The following ANAPC16 variants were observed in gnomAD, a reference collection of about 807,000 sequenced individuals.
ANAPC16 encodes anaphase-promoting complex subunit 16.
A neutral mutation model predicts 13.1 loss-of-function variants in ANAPC16; 6 were observed. The ratio of observed to expected loss-of-function variants is 0.46; its 90% CI spans 0.25 to 0.90. ANAPC16 has a LOEUF of 0.90. Ranked by LOEUF, ANAPC16 falls within the 40% of genes least tolerant of loss-of-function variation. ANAPC16 has a pLI of 0.18. For missense variants in ANAPC16, 113 were observed against 131.1 expected (o/e 0.86, Z 0.67); for synonymous variants, 55 against 51.3 (o/e 1.07, Z -0.31).
intron 1 of ANAPC16, chr10:72,216,797 T>A: frequency 2.2e-6 from 1 of 456,112 alleles, no homozygotes; most frequent in Non-Finnish European, 4.4e-6. Flanking sequence ...CCTGTGAGGA[T>A]CTCCACTGTC....
rs143712246 is a variant in ANAPC16 at position 72,220,684 on chromosome 10, A to G, written c.-27-3204A>G. 9.2e-4 allele frequency: 135 copies of G among 147,142 alleles called. 3 individuals carry two copies. The highest frequency in any genetic ancestry group is 3.4e-3 in the African/African-American group (131 of 38,906). 9.1% of individuals were successfully genotyped at this position (147,142 alleles called of 1,614,324 possible). A position where few individuals can be genotyped will look rare whatever the true frequency, so the allele number is the denominator to read the frequency against. ...AAAACAAATATGTTTCAACTTTTTT[A>G]TAATAAATATGTTCATTTTGCAACT... On this transcript the variant is annotated intron_variant, in intron 1 of 3. Transcript: ENST00000299381.
In ANAPC16 at chr10:72,224,153, G is replaced by C. The variant is rs78311085; in HGVS notation, c.142+97G>C. 1.4e-3 allele frequency: 1,801 copies of C among 1,247,278 alleles called. 24 individuals carry two copies. The African/African-American group carries it at 0.023, about 16-fold the overall frequency. 77.3% of individuals were successfully genotyped at this position (1,247,278 alleles called of 1,614,324 possible). On this transcript the variant is annotated intron_variant, in intron 2 of 3. Transcript: ENST00000299381. Reference sequence around the variant, plus strand: ...AGTGGATTAAAGATGAGTTTGCCCTGATTTCAGCTCCACATTTCATTTCTT... The same window carrying C: ...AGTGGATTAAAGATGAGTTTGCCCTCATTTCAGCTCCACATTTCATTTCTT...
At chr10:72,220,914 A>G (rs141267414) in intron 1 of ANAPC16, 2,117 of 151,746 alleles carry the variant, frequency 0.014, 19 homozygotes, top group Non-Finnish European at 0.022. Flanking sequence ...TCATTTTACA[A>G]TCCTTTTTTC....
intron 1 of ANAPC16, among the ~76,000 whole-genome samples, chr10:72,222,473 A>T (rs1395708912): frequency 1.0e-4 from 3 of 29,804 alleles, no homozygotes; most frequent in African/African-American, 4.0e-4. Flanking sequence ...TCTCTATTTA[A>T]AAAAAAAAAA....
intron 1 of ANAPC16, chr10:72,216,804 T>C: frequency 2.2e-6 from 1 of 456,234 alleles, no homozygotes; most frequent in South Asian, 1.5e-5. Flanking sequence ...GGATCTCCAC[T>C]GTCAGCCCCA....
At chr10:72,231,476 A>G (rs901514069) in intron 3 of ANAPC16, among the ~76,000 whole-genome samples, 1 of 152,096 alleles carries the variant, frequency 6.6e-6, no homozygotes, top group Non-Finnish European at 1.5e-5. Context: ...CAGGAGGCAT[A>G]CTCCAGCCTT....
At chr10:72,219,817 C>G (rs1384839711) in intron 1 of ANAPC16, among the ~76,000 whole-genome samples, 1 of 152,176 alleles carries the variant, frequency 6.6e-6, no homozygotes, top group Non-Finnish European at 1.5e-5. Flanking sequence ...TTTTACCGTT[C>G]CCATACCCCA....
At chr10:72,223,186 C>T (rs1860008002) in intron 1 of ANAPC16, 1 of 149,842 alleles carries the variant, frequency 6.7e-6, no homozygotes, top group African/African-American at 2.5e-5. Context: ...CCTCAGCCTC[C>T]TGAGTAGCTG....
At position 72,226,784 on chromosome 10, in the gene ANAPC16, C is replaced by G. The variant is rs568606862; in HGVS notation, c.142+2728C>G. 2.6e-5 allele frequency among the ~76,000 whole-genome samples: 4 copies of G among 151,962 alleles called. No homozygotes were observed. The East Asian group carries it at 5.8e-4, about 22-fold the overall frequency. On this transcript the variant is annotated intron_variant, in intron 2 of 3. Coordinates refer to ENST00000299381, the MANE Select transcript of ANAPC16 (RefSeq NM_173473.4). Reference sequence around the variant, plus strand: ...GCCCAAAATCATTTGTGACAGGAAACCACGGGGGGACTCTGGGACCATAGA... The same window carrying G: ...GCCCAAAATCATTTGTGACAGGAAAGCACGGGGGGACTCTGGGACCATAGA...
intron 1 of ANAPC16, among the ~76,000 whole-genome samples, chr10:72,220,556 G>A (rs1439952878): frequency 1.3e-5 from 2 of 151,786 alleles, no homozygotes; most frequent in Admixed American, 1.3e-4. Flanking sequence ...GACTTGGGAG[G>A]TTGAGAGGTT....
chr10:72,231,655 C>T (rs573124258), intron 3 of ANAPC16, among the ~76,000 whole-genome samples: 6 of 152,262 alleles, frequency 3.9e-5, no homozygotes, highest in Middle Eastern at 3.4e-3. Context: ...CTCCTGGGTT[C>T]AAGTGATTCT....
At chr10:72,225,140 T>C (rs1319570725) in intron 2 of ANAPC16, among the ~76,000 whole-genome samples, 2 of 151,830 alleles carry the variant, frequency 1.3e-5, no homozygotes, top group African/African-American at 4.8e-5. Context: ...AAAAACTAGC[T>C]GGGCATGGTG....
chr10:72,224,814 G>T (rs1309390056), intron 2 of ANAPC16, among the ~76,000 whole-genome samples: 3 of 152,118 alleles, frequency 2.0e-5, no homozygotes, highest in Non-Finnish European at 2.9e-5. Flanking sequence ...TTGCCCTTTT[G>T]TGTGAACATG....
At chr10:72,219,508 G>A (rs977427672) in intron 1 of ANAPC16, among the ~76,000 whole-genome samples, 1 of 151,096 alleles carries the variant, frequency 6.6e-6, no homozygotes, top group Non-Finnish European at 1.5e-5. Context: ...GGCTGAGGTG[G>A]GAGGATCACT....
chr10:72,232,198 A>G (rs1472540294), intron 3 of ANAPC16, among the ~76,000 whole-genome samples: 8 of 150,148 alleles, frequency 5.3e-5, no homozygotes, highest in South Asian at 2.1e-4. Context: ...AAAAAAAAAA[A>G]AAAAAAAAAA....
At chr10:72,226,609 G>A (rs998504461) in intron 2 of ANAPC16, among the ~76,000 whole-genome samples, 1 of 151,912 alleles carries the variant, frequency 6.6e-6, no homozygotes, top group Non-Finnish European at 1.5e-5. Flanking sequence ...GGAGGTGGAG[G>A]CTGCAGTGAG....
chr10:72,219,262 G>A (rs1044943916), intron 1 of ANAPC16, among the ~76,000 whole-genome samples: 3 of 152,140 alleles, frequency 2.0e-5, no homozygotes, highest in African/African-American at 7.2e-5. Flanking sequence ...TTTGGACCTG[G>A]TCCCTTACTG....
chr10:72,226,528 C>G (rs1233590006), intron 2 of ANAPC16, among the ~76,000 whole-genome samples: 1 of 151,864 alleles, frequency 6.6e-6, no homozygotes, highest in African/African-American at 2.4e-5. Flanking sequence ...AGAAAATTAG[C>G]TGGGTGTGGT....
At chr10:72,218,413 C>T (rs920017191) in intron 1 of ANAPC16, among the ~76,000 whole-genome samples, 15 of 151,658 alleles carry the variant, frequency 9.9e-5, no homozygotes, top group Admixed American at 7.9e-4. Context: ...CATAATCTTA[C>T]CCATTATGCT....
Sources: allele counts gnomAD v4.1 joint callset (sites outside exome capture counted in the v4.1 genomes callset), GRCh38; gene constraint gnomAD v4.1.1; transcripts MANE v1.5; gene names NCBI Gene and HGNC (gene_info 2026-07-23, HGNC 2026-07-21).